The following SPECC1 variants were observed in gnomAD, a reference collection of about 807,000 sequenced individuals.
SPECC1 encodes cytospin-B.
In SPECC1, 62 loss-of-function variants were observed where a neutral mutation model predicts 104.1. The ratio of observed to expected loss-of-function variants is 0.60; its 90% CI spans 0.49 to 0.74. The LOEUF (loss-of-function observed/expected upper bound fraction) is 0.74, where lower values mean the gene tolerates loss of function less well. Ranked by LOEUF, SPECC1 falls within the 30% of genes least tolerant of loss-of-function variation. SPECC1 has a pLI of 0.00. For synonymous variants in SPECC1, 513 were observed against 501.6 expected (o/e 1.02, Z -0.30); for missense variants, 1,306 against 1,310.5 (o/e 1.00, Z 0.05).
At chr17:20,248,372 G>A (rs2039502655) in intron 9 of SPECC1, among the ~76,000 whole-genome samples, 1 of 152,156 alleles carries the variant, frequency 6.6e-6, no homozygotes, top group African/African-American at 2.4e-5. Context: ...CCTACAAGGA[G>A]ATGAGGATGG....
At chr17:20,166,025 G>T (rs2033621180) in intron 3 of SPECC1, among the ~76,000 whole-genome samples, 1 of 152,092 alleles carries the variant, frequency 6.6e-6, no homozygotes, top group Non-Finnish European at 1.5e-5. Flanking sequence ...AACAAAATGT[G>T]ATTTAATTGT....
chr17:20,074,520 A>G lies in SPECC1; in HGVS notation c.-21-22111A>G, dbSNP rs369880295. Among the ~76,000 whole-genome samples, 70 of 152,248 alleles carry G rather than the reference A, an allele frequency of 4.6e-4. 1 individual carries two copies. Among genetic ancestry groups the G allele is most frequent in the African/African-American group, 1.6e-3 (68 of 41,520 alleles). The stretch of plus-strand genomic sequence containing the variant: ...CTTGTCCCACTGACTCTAATTTCCT[A>G]TAGGTATAAAATGTTTAGCTCAGCG... On this transcript the variant is annotated intron_variant, in intron 1 of 14. Coordinates refer to ENST00000395527, the MANE Select transcript of SPECC1 (RefSeq NM_001243439.2).
At chr17:20,273,377 C>T (rs1490734057) in intron 12 of SPECC1, among the ~76,000 whole-genome samples, 3 of 151,862 alleles carry the variant, frequency 2.0e-5, no homozygotes, top group Admixed American at 1.3e-4. Context: ...GCTTGGGAGG[C>T]TGAGGCATGA....
intron 1 of SPECC1, among the ~76,000 whole-genome samples, chr17:20,082,597 A>C (rs2047015901): frequency 1.3e-5 from 2 of 151,470 alleles, no homozygotes; most frequent in South Asian, 4.2e-4. Flanking sequence ...CCCTGTCTCA[A>C]ACTATATGTG....
chr17:20,305,904 A>T, intron 13 of SPECC1, 119 bp from the exon 14 acceptor site: 1 of 840,414 alleles, frequency 1.2e-6, no homozygotes, highest in Non-Finnish European at 1.8e-6. Flanking sequence ...CACTTGACTT[A>T]CTATTCTTCG....
At chr17:20,287,363 GC>G (rs1369974955) in intron 12 of SPECC1, among the ~76,000 whole-genome samples, 1 of 146,776 alleles carries the variant, frequency 6.8e-6, no homozygotes, top group Non-Finnish European at 1.5e-5. Flanking sequence ...CTTGCAGTGA[GC>G]CGAGATTGCG....
chr17:20,253,069 A>T (rs1375375576), intron 9 of SPECC1, among the ~76,000 whole-genome samples: 1 of 151,248 alleles, frequency 6.6e-6, no homozygotes, highest in Admixed American at 6.6e-5. Context: ...TGGTCTTCCT[A>T]ATAAATGTGA....
intron 3 of SPECC1, chr17:20,113,006 G>A: frequency 1.1e-6 from 1 of 885,286 alleles, no homozygotes; most frequent in Admixed American, 1.7e-5. Context: ...TTAGGGGCTG[G>A]AGGAACATGT....
intron 1 of SPECC1, among the ~76,000 whole-genome samples, chr17:20,051,072 CTTTCTT>C (rs1567813245): frequency 0.01 from 579 of 56,712 alleles, 6 homozygotes; most frequent in African/African-American, 0.02. Context: ...CTTTCTTTTT[CTTTCTT>C]TCTTTCTTTC....
intron 2 of SPECC1, among the ~76,000 whole-genome samples, chr17:20,107,668 GC>G (rs1402518511): frequency 6.6e-6 from 1 of 151,826 alleles, no homozygotes; most frequent in Non-Finnish European, 1.5e-5. Flanking sequence ...TGTTGACCAG[GC>G]TCATCTCGAA....
At chr17:20,146,998 G>A (rs1256184175) in intron 3 of SPECC1, among the ~76,000 whole-genome samples, 1 of 151,408 alleles carries the variant, frequency 6.6e-6, no homozygotes, top group Non-Finnish European at 1.5e-5. Flanking sequence ...AGTTTCTGTT[G>A]TTCTACATCC....
At chr17:20,256,627 C>T (rs2039839614) in intron 10 of SPECC1, among the ~76,000 whole-genome samples, 1 of 152,150 alleles carries the variant, frequency 6.6e-6, no homozygotes, top group African/African-American at 2.4e-5. Flanking sequence ...TAGAACAAGG[C>T]ACTTAGTTCT....
At chr17:20,062,961 T>TA (rs1472338316) in intron 1 of SPECC1, among the ~76,000 whole-genome samples, 6 of 152,180 alleles carry the variant, frequency 3.9e-5, no homozygotes, top group African/African-American at 1.4e-4. Context: ...GTGCTGGAAT[T>TA]ACAGGCATAA....
At chr17:20,079,171 T>A (rs181469974) in intron 1 of SPECC1, among the ~76,000 whole-genome samples, 12 of 152,306 alleles carry the variant, frequency 7.9e-5, no homozygotes, top group African/African-American at 2.4e-4. Context: ...ACCTCTTCCA[T>A]CTCCTGTGCC....
intron 1 of SPECC1, among the ~76,000 whole-genome samples, chr17:20,012,115 T>C (rs761699857): frequency 1.2e-4 from 18 of 152,158 alleles, no homozygotes; most frequent in Non-Finnish European, 2.1e-4. Context: ...AAAAGATGTT[T>C]TGTAGCTGGA....
rs187197540 is a variant in SPECC1, at chr17:20,267,807, G to A, written c.2940+7513G>A. On this transcript the variant is annotated intron_variant, in intron 12 of 14. Transcript: ENST00000395527. ...ACTGCAAGTTGTGTGTAGTGCCACC[G>A]GGTCCTTTGTCTCCTCCTCTGTCCT... 7.3e-4 allele frequency among the ~76,000 whole-genome samples: 111 copies of A among 152,254 alleles called. 2 individuals carry two copies. The Middle Eastern group carries it at 0.01, about 14-fold the overall frequency.
intron 1 of SPECC1, among the ~76,000 whole-genome samples, chr17:20,077,757 G>A (rs2046817347): frequency 6.6e-6 from 1 of 152,100 alleles, no homozygotes; most frequent in Non-Finnish European, 1.5e-5. Flanking sequence ...GTGAGCCACC[G>A]CACCTAGCCT....
intron 3 of SPECC1, among the ~76,000 whole-genome samples, chr17:20,159,972 A>G (rs1298566772): frequency 1.3e-5 from 2 of 152,176 alleles, no homozygotes; most frequent in African/African-American, 4.8e-5. Context: ...TTGCCTTTTT[A>G]TATTCACACA....
At chr17:20,164,818 A>G (rs1318869356) in intron 3 of SPECC1, among the ~76,000 whole-genome samples, 2 of 152,164 alleles carry the variant, frequency 1.3e-5, no homozygotes, top group East Asian at 1.9e-4. Flanking sequence ...TTCAAATTAC[A>G]TTTAATTTGT....
Sources: allele counts gnomAD v4.1 joint callset (sites outside exome capture counted in the v4.1 genomes callset), GRCh38; gene constraint gnomAD v4.1.1; transcripts MANE v1.5; gene names NCBI Gene and HGNC (gene_info 2026-07-23, HGNC 2026-07-21).